Variants in UPK1B observed in about 807,000 individuals in gnomAD.
UPK1B encodes the protein uroplakin 1B, also known as uroplakin-1b.
Under a neutral mutation model 34.2 loss-of-function variants are expected in UPK1B, and 28 were observed. The observed-to-expected ratio is 0.82, with a 90% CI of 0.61 to 1.12. The LOEUF is 1.12. Ranked by LOEUF, UPK1B falls within the 50% of genes most tolerant of loss-of-function variation. The pLI is 0.00. For synonymous variants in UPK1B, 81 were observed against 110.4 expected (o/e 0.73, Z 1.67); for missense variants, 325 against 320.9 (o/e 1.01, Z -0.10).
At chr3:119,187,737 TG>T (rs770862626) in intron 2 of UPK1B, 37 bp from the exon 3 acceptor site, 1 of 1,516,202 alleles carries the variant, frequency 6.6e-7, no homozygotes, top group South Asian at 1.1e-5. Flanking sequence ...TTCCCAAAGC[TG>T]CACTCCTGAT....
intron 3 of UPK1B, among the ~76,000 whole-genome samples, chr3:119,189,882 G>A (rs113392698): frequency 2.0e-5 from 3 of 152,346 alleles, no homozygotes; most frequent in African/African-American, 7.2e-5. Flanking sequence ...CACTCACTGA[G>A]CATGCACATG....
At chr3:119,196,253 C>T (rs1006059473) in intron 6 of UPK1B, among the ~76,000 whole-genome samples, 2 of 152,176 alleles carry the variant, frequency 1.3e-5, no homozygotes, top group African/African-American at 4.8e-5. Flanking sequence ...ACCATTCTCC[C>T]TGACTCATAG....
chr3:119,194,502 A>G, intron 6 of UPK1B, 104 bp downstream of exon 6: 1 of 1,130,278 alleles, frequency 8.8e-7, no homozygotes, highest in South Asian at 1.8e-5. Context: ...GGAATTCTAC[A>G]TTCTTTTCCC....
At chr3:119,203,774 G>T (rs976187053) in intron 7 of UPK1B, 143 bp from the exon 8 acceptor site, 24 of 840,776 alleles carry the variant, frequency 2.9e-5, no homozygotes, top group East Asian at 2.4e-4. Context: ...TTTTGTTTTG[G>T]TTTTTTAGAA....
At position 119,204,460 on chromosome 3, in the gene UPK1B, G is replaced by A. The variant is rs2078109536; in HGVS notation, c.*493G>A. 1 of 154,972 alleles carries A rather than the reference G, an allele frequency of 6.5e-6. No homozygotes were observed. Among genetic ancestry groups the A allele is most frequent in the Non-Finnish European group, 1.4e-5 (1 of 69,776 alleles). 9.6% of individuals were successfully genotyped at this position (154,972 alleles called of 1,614,324 possible). A position where few individuals can be genotyped will look rare whatever the true frequency, so the allele number is the denominator to read the frequency against. ...CTTTCTAGAGTAGCTCCCATATATG[G>A]AGATGGGTGATTCTCTTGATGCCAC... On this transcript the variant is annotated 3_prime_UTR_variant, in exon 8 of 8. Coordinates refer to ENST00000264234, the MANE Select transcript of UPK1B (RefSeq NM_006952.4).
At chr3:119,181,500 A>C (rs773361805) in intron 1 of UPK1B, among the ~76,000 whole-genome samples, 10 of 152,172 alleles carry the variant, frequency 6.6e-5, no homozygotes, top group Non-Finnish European at 1.3e-4. Flanking sequence ...GTATTACTAT[A>C]CTCATTTGAA....
chr3:119,179,390 TATATATATTAA>T (rs1469040854), intron 1 of UPK1B, among the ~76,000 whole-genome samples: 4 of 93,138 alleles, frequency 4.3e-5, no homozygotes, highest in African/African-American at 2.1e-4. Flanking sequence ...TATATATATA[TATATATATTAA>T]TTCTAAGGAA....
chr3:119,197,012 T>C (rs968478727), intron 6 of UPK1B, among the ~76,000 whole-genome samples: 2 of 139,080 alleles, frequency 1.4e-5, no homozygotes, highest in African/African-American at 2.6e-5. Flanking sequence ...TGGCTAATTT[T>C]ATTTTTTGTA....
chr3:119,190,203 C>T lies in UPK1B; in HGVS notation c.271-42C>T, dbSNP rs375087793. 66 of 1,444,510 alleles carry T rather than the reference C, an allele frequency of 4.6e-5. 1 individual carries two copies. The highest frequency in any genetic ancestry group is 2.1e-4 in the Admixed American group (11 of 51,468). 89.5% of individuals were successfully genotyped at this position (1,444,510 alleles called of 1,614,324 possible). ...ATTATTTGGGCAAGTCGCTCTTTGA[C>T]GGGTAAATGTAATTCTTTTATCTCA... On this transcript the variant is annotated intron_variant, in intron 3 of 7. Coordinates refer to ENST00000264234, the MANE Select transcript of UPK1B (RefSeq NM_006952.4).
rs115267110 is a variant in UPK1B at position 119,185,108 on chromosome 3, C to T, written c.-28-1606C>T. On this transcript the variant is annotated intron_variant, in intron 1 of 7. Transcript: ENST00000264234. ...GAATGGCATTTCTAAGCAGAAACTA[C>T]ACAGAGACGCAATGGCCCAGATTCT... Among the ~76,000 whole-genome samples the T allele has an allele frequency of 4.9e-3, 741 of 152,304 alleles. 10 individuals carry two copies. Among genetic ancestry groups the T allele is most frequent in the African/African-American group, 0.016 (663 of 41,558 alleles).
rs138987400 is a variant in UPK1B, at chr3:119,205,072, T to C, written c.*1105T>C. 1.8e-4 allele frequency: 27 copies of C among 152,358 alleles called. No homozygotes were observed. The highest frequency in any genetic ancestry group is 6.3e-4 in the African/African-American group (26 of 41,584). The allele number at this position is 152,358 out of a possible 1,614,324, so 9.4% of individuals were successfully genotyped here. A position where few individuals can be genotyped will look rare whatever the true frequency, so the allele number is the denominator to read the frequency against. ...TTCTCATCTGCACTATGTTTCCATT[T>C]GTGGTCCTGAAGGAAATTCTTATAA... On this transcript the variant is annotated 3_prime_UTR_variant, in exon 8 of 8. Coordinates refer to ENST00000264234, the MANE Select transcript of UPK1B (RefSeq NM_006952.4).
chr3:119,193,162 A>G (rs2078051471), intron 5 of UPK1B, among the ~76,000 whole-genome samples: 1 of 152,172 alleles, frequency 6.6e-6, no homozygotes, highest in African/African-American at 2.4e-5. Flanking sequence ...TCTTTACCCA[A>G]ATCTGAAGCT....
intron 1 of UPK1B, among the ~76,000 whole-genome samples, chr3:119,176,485 T>TA (rs915347933): frequency 3.9e-5 from 6 of 152,278 alleles, no homozygotes; most frequent in East Asian, 3.9e-4. Context: ...ATTCTAGCTT[T>TA]AAAAAAATCT....
intron 1 of UPK1B, among the ~76,000 whole-genome samples, chr3:119,185,878 C>A (rs2078015694): frequency 6.6e-6 from 1 of 152,192 alleles, no homozygotes; most frequent in Non-Finnish European, 1.5e-5. Flanking sequence ...CCATGTTCAG[C>A]TGTGTATGGC....
chr3:119,190,473 C>G (rs2078039059), intron 4 of UPK1B, among the ~76,000 whole-genome samples, 154 bp downstream of exon 4: 4 of 152,152 alleles, frequency 2.6e-5, no homozygotes, highest in African/African-American at 9.7e-5. Flanking sequence ...ATGAAATAGG[C>G]ATTATCACTC....
intron 1 of UPK1B, among the ~76,000 whole-genome samples, chr3:119,179,376 TATATATATATATATATATATATTAA>T (rs2077975830): frequency 1.5e-5 from 1 of 67,234 alleles, no homozygotes; most frequent in African/African-American, 4.3e-5. Context: ...TATATATATA[TATATATATATATATATATATATTAA>T]TTCTAAGGAA....
At chr3:119,198,793 C>G (rs1576872633) in intron 6 of UPK1B, among the ~76,000 whole-genome samples, 1 of 152,100 alleles carries the variant, frequency 6.6e-6, no homozygotes, top group African/African-American at 2.4e-5. Context: ...GAGGGTTATG[C>G]TAAAATAGCA....
chr3:119,199,237 G>C lies in UPK1B; in HGVS notation c.732+97G>C, dbSNP rs2078080877. On this transcript the variant is annotated intron_variant, in intron 7 of 7. Coordinates refer to ENST00000264234, the MANE Select transcript of UPK1B (RefSeq NM_006952.4). ...TACCTCAACCACACTAGAAAGTCTA[G>C]AAACAAAACCTCAGGCCTGAAGGCT... The C allele has an allele frequency of 2.0e-5, 28 of 1,395,376 alleles. 1 individual carries two copies. In the South Asian group the frequency reaches 3.6e-4, roughly 18 times the overall value. The allele number at this position is 1,395,376 out of a possible 1,614,324, so 86.4% of individuals were successfully genotyped here.
At chr3:119,203,391 GAACC>G (rs990416999) in intron 7 of UPK1B, among the ~76,000 whole-genome samples, 6 of 140,616 alleles carry the variant, frequency 4.3e-5, no homozygotes, top group African/African-American at 1.6e-4. Context: ...CAAAGACATG[GAACC>G]AACCCAAATG....
Sources: allele counts gnomAD v4.1 joint callset (sites outside exome capture counted in the v4.1 genomes callset), GRCh38; gene constraint gnomAD v4.1.1; transcripts MANE v1.5; gene names NCBI Gene and HGNC (gene_info 2026-07-23, HGNC 2026-07-21).